DDX10: variants seen among roughly 807,000 people sequenced by gnomAD.
DDX10 encodes the protein probable ATP-dependent RNA helicase DDX10.
DDX10 carries 74 observed loss-of-function variants against 104.3 expected under a neutral mutation model. That is an observed-to-expected ratio of 0.71 (90% CI 0.59 to 0.86). The LOEUF is 0.86. DDX10 is among the 40% of genes least tolerant of loss of function. The pLI is 0.00. For missense variants in DDX10, 952 were observed against 1,040.0 expected, an observed-to-expected ratio of 0.92 and a Z score of 1.16; for synonymous variants, 351 against 353.4, an observed-to-expected ratio of 0.99 and a Z score of 0.08.
chr11:108,856,249 G>A (rs1038798529), intron 16 of DDX10, among the ~76,000 whole-genome samples: 1 of 152,086 alleles, frequency 6.6e-6, no homozygotes, highest in Non-Finnish European at 1.5e-5. Context: ...GGCCAACATG[G>A]CAAAACCCTG....
intron 13 of DDX10, among the ~76,000 whole-genome samples, chr11:108,781,583 G>A (rs1591816753): frequency 6.6e-6 from 1 of 152,042 alleles, no homozygotes; most frequent in South Asian, 2.1e-4. Context: ...ACCACAGAAG[G>A]TAAAAAGAAA....
chr11:108,774,166 T>C (rs898824417), intron 13 of DDX10, among the ~76,000 whole-genome samples: 1 of 152,238 alleles, frequency 6.6e-6, no homozygotes, highest in Non-Finnish European at 1.5e-5. Flanking sequence ...AATAACTGAA[T>C]TGTTGCTGTA....
chr11:108,794,924 T>G (rs1861919381), intron 13 of DDX10, among the ~76,000 whole-genome samples: 1 of 151,862 alleles, frequency 6.6e-6, no homozygotes, highest in African/African-American at 2.4e-5. Flanking sequence ...GCCTCCCGGG[T>G]TCAAGTGATT....
At chr11:108,761,516 G>A (rs1385557165) in intron 13 of DDX10, among the ~76,000 whole-genome samples, 1 of 151,902 alleles carries the variant, frequency 6.6e-6, no homozygotes, top group Non-Finnish European at 1.5e-5. Context: ...GTTACTTCTG[G>A]CTTGGTGAGA....
intron 17 of DDX10, among the ~76,000 whole-genome samples, chr11:108,928,914 C>T (rs1863941989): frequency 6.6e-6 from 1 of 152,140 alleles, no homozygotes. Context: ...TTCATTAAGT[C>T]CCCAGGTAGC....
chr11:108,672,259 T>A (rs1484074527), intron 1 of DDX10, among the ~76,000 whole-genome samples: 1 of 152,100 alleles, frequency 6.6e-6, no homozygotes, highest in African/African-American at 2.4e-5. Context: ...TGCTGGGGAT[T>A]GAAGAGTGTG....
intron 10 of DDX10, among the ~76,000 whole-genome samples, chr11:108,707,772 A>G (rs2094278230): frequency 6.6e-6 from 1 of 152,188 alleles, no homozygotes; most frequent in African/African-American, 2.4e-5. Context: ...AATATGTTAA[A>G]CCACATCAGT....
chr11:108,909,826 C>T (rs1247887119), intron 16 of DDX10, among the ~76,000 whole-genome samples: 2 of 152,086 alleles, frequency 1.3e-5, no homozygotes, highest in African/African-American at 4.8e-5. Flanking sequence ...TGTTAGAAGG[C>T]ACCACAACAG....
chr11:108,758,836 T>G (rs2094347481), intron 13 of DDX10, among the ~76,000 whole-genome samples: 1 of 152,072 alleles, frequency 6.6e-6, no homozygotes, highest in South Asian at 2.1e-4. Context: ...CCTTAATTCG[T>G]TTTTGCCATG....
At chr11:108,830,778 C>T (rs1028123098) in intron 13 of DDX10, among the ~76,000 whole-genome samples, 4 of 152,122 alleles carry the variant, frequency 2.6e-5, no homozygotes, top group Non-Finnish European at 5.9e-5. Context: ...TGGATTTTGT[C>T]AAATGCTTTT....
At chr11:108,824,491 A>C (rs1862369747) in intron 13 of DDX10, among the ~76,000 whole-genome samples, 1 of 151,890 alleles carries the variant, frequency 6.6e-6, no homozygotes, top group Non-Finnish European at 1.5e-5. Flanking sequence ...GTAGCATATA[A>C]AATTTCTGAG....
At chr11:108,679,749 T>C (rs1484488093) in intron 6 of DDX10, among the ~76,000 whole-genome samples, 189 bp downstream of exon 6, 1 of 152,212 alleles carries the variant, frequency 6.6e-6, no homozygotes, top group Non-Finnish European at 1.5e-5. Context: ...GGTACTTGAA[T>C]GTAGCATTTC....
intron 13 of DDX10, among the ~76,000 whole-genome samples, chr11:108,833,141 C>T (rs1279003600): frequency 6.6e-6 from 1 of 152,184 alleles, no homozygotes; most frequent in Non-Finnish European, 1.5e-5. Context: ...AGGTGTTTAG[C>T]ACATCACTGA....
intron 13 of DDX10, among the ~76,000 whole-genome samples, chr11:108,739,838 T>C (rs2094322990): frequency 6.6e-6 from 1 of 152,190 alleles, no homozygotes; most frequent in Non-Finnish European, 1.5e-5. Flanking sequence ...AATCCACCCG[T>C]CATCCCTTTC....
At chr11:108,779,197 A>C (rs887430317) in intron 13 of DDX10, among the ~76,000 whole-genome samples, 48 of 152,254 alleles carry the variant, frequency 3.2e-4, no homozygotes, top group Non-Finnish European at 4.8e-4. Flanking sequence ...GCATATACCC[A>C]AAGGATTATA....
chr11:108,899,097 T>C (rs140083078), intron 16 of DDX10, among the ~76,000 whole-genome samples: 3 of 152,296 alleles, frequency 2.0e-5, no homozygotes, highest in Non-Finnish European at 4.4e-5. Context: ...CTCTGCGTTA[T>C]CTCTCAATCT....
intron 13 of DDX10, among the ~76,000 whole-genome samples, chr11:108,798,943 G>T (rs1217843502): frequency 1.3e-5 from 2 of 152,044 alleles, no homozygotes; most frequent in Non-Finnish European, 2.9e-5. Context: ...TATGAAAAAT[G>T]TATCTTTTTG....
chr11:108,834,630 C>T (rs1862523181), intron 13 of DDX10, among the ~76,000 whole-genome samples: 1 of 151,968 alleles, frequency 6.6e-6, no homozygotes, highest in South Asian at 2.1e-4. Flanking sequence ...TTACAGTGAT[C>T]CCTTAAGTTT....
chr11:108,758,284 A>G (rs1304199395), intron 13 of DDX10, among the ~76,000 whole-genome samples: 1 of 152,088 alleles, frequency 6.6e-6, no homozygotes, highest in Non-Finnish European at 1.5e-5. Context: ...TTTAGAATCT[A>G]TACCATCTCA....
Sources: gnomAD v4.1 joint callset for allele counts (sites outside exome capture counted in the v4.1 genomes callset) on GRCh38, gnomAD v4.1.1 for gene constraint, MANE v1.5 for transcripts, NCBI Gene and HGNC (gene_info 2026-07-23, HGNC 2026-07-21) for gene names.